UBR4: variants seen among roughly 807,000 people sequenced by gnomAD.
UBR4 encodes ubiquitin protein ligase E3 component n-recognin 4, also known as E3 ubiquitin-protein ligase UBR4.
In UBR4, 124 loss-of-function variants were observed where a neutral mutation model predicts 575.6. The observed-to-expected ratio is 0.22, with a 90% CI of 0.19 to 0.25. UBR4 has a LOEUF of 0.25. Among genes scored for constraint, UBR4 ranks in the 10% least tolerant of loss-of-function variants. The pLI is 1.00. For synonymous variants in UBR4, 2,455 were observed against 2,473.7 expected, an observed-to-expected ratio of 0.99 and a Z score of 0.22; for missense variants, 4,818 against 6,478.8, an observed-to-expected ratio of 0.74 and a Z score of 8.80.
At chr1:19,173,399 CT>C (rs765746548) in intron 23 of UBR4, 39 bp downstream of exon 23, 29 of 1,612,660 alleles carry the variant, frequency 1.8e-5, no homozygotes, top group Non-Finnish European at 2.4e-5. Context: ...GCACAAAGCA[CT>C]TTGGCTTTGA....
At position 19,164,310 on chromosome 1, in the gene UBR4, C is replaced by T; in HGVS notation, c.4643G>A (p.Gly1548Asp). Residue 1548 changes from glycine (G) to aspartate (D), a missense_variant, in exon 33 of 106, where the codon GGT becomes GAT. Gly to Asp is a moderately conservative substitution (Grantham distance 94). Transcript: ENST00000375254. ...AAGCTGAAGGTGACCAGCACCTTGACCTGCACTGGCCAGAGTGGCCATCAC... is the reference window on the plus strand; with the variant it reads ...AAGCTGAAGGTGACCAGCACCTTGATCTGCACTGGCCAGAGTGGCCATCAC... ...MVVMATLASA[G>D]QGAGHLQLHN... 1 of 1,614,250 alleles carries T rather than the reference C, an allele frequency of 6.2e-7. No individual in the cohort carries two copies. The highest frequency in any genetic ancestry group is 8.5e-7 in the Non-Finnish European group (1 of 1,180,052).
chr1:19,095,942 A>T, intron 92 of UBR4: 1 of 342,286 alleles, frequency 2.9e-6, no homozygotes, highest in Non-Finnish European at 5.5e-6. Flanking sequence ...TCTTGGGGGA[A>T]ATCCCAGCAT....
Position 19,115,648 on chromosome 1 carries a change from C to T in UBR4, c.10824-11G>A, listed in dbSNP as rs1219843900. ...TGCCAGCGAGCTGGCCTAGGAAAGACAGACAGCCTTGAGATTTTCTCATCT... is the reference window on the plus strand; with the variant it reads ...TGCCAGCGAGCTGGCCTAGGAAAGATAGACAGCCTTGAGATTTTCTCATCT... On this transcript the variant is annotated splice_polypyrimidine_tract_variant and intron_variant, in intron 73 of 105. Coordinates refer to ENST00000375254, the MANE Select transcript of UBR4 (RefSeq NM_020765.3). 1 of 1,613,590 alleles carries T rather than the reference C, an allele frequency of 6.2e-7. No homozygotes were observed. The highest frequency in any genetic ancestry group is 1.3e-5 in the African/African-American group (1 of 74,992).
chr1:19,144,836 C>T lies in UBR4; in HGVS notation c.8017G>A (p.Asp2673Asn), dbSNP rs766329613. 3 of 1,613,742 alleles carry T rather than the reference C, an allele frequency of 1.9e-6. No homozygotes were observed. Among genetic ancestry groups the T allele is most frequent in the Non-Finnish European group, 2.5e-6 (3 of 1,179,954 alleles). The change falls in exon 54 of 106, where the codon GAT (aspartate) becomes AAT (asparagine). Residue 2673 changes from aspartate to asparagine, a missense_variant. Physicochemically the swap from Asp to Asn is conservative, Grantham distance 23. Transcript: ENST00000375254. Reference sequence around the variant, plus strand: ...ATCTTGGATGCTGTGTTAATACAATCCAGCTCACAGGTACAGTAGCCATGG... The same window carrying T: ...ATCTTGGATGCTGTGTTAATACAATTCAGCTCACAGGTACAGTAGCCATGG... Reference protein sequence around the residue: ...IIHGYCTCELDCINTASKIYM... With the variant: ...IIHGYCTCELNCINTASKIYM...
chr1:19,184,206 T>C (rs1282182907), intron 15 of UBR4, 31 bp from the exon 16 acceptor site: 1 of 1,608,990 alleles, frequency 6.2e-7, no homozygotes, highest in African/African-American at 1.3e-5. Flanking sequence ...AAAGCTCTTA[T>C]CAGGGTCATA....
Position 19,093,004 on chromosome 1 carries a change from C to T in UBR4, c.14112-86G>A. 8.0e-7 allele frequency: 1 copy of T among 1,242,556 alleles called. No homozygotes were observed. Among genetic ancestry groups the T allele is most frequent in the Non-Finnish European group, 1.1e-6 (1 of 870,896 alleles). The allele number at this position is 1,242,556 out of a possible 1,614,324, so 77.0% of individuals were successfully genotyped here. On this transcript the variant is annotated intron_variant, in intron 96 of 105. Coordinates refer to ENST00000375254, the MANE Select transcript of UBR4 (RefSeq NM_020765.3). The surrounding 1 kb of genome is among the most constrained non-coding windows in gnomAD (Gnocchi z 4.8). ...TTGTTGACTCTGGCTTGTTTAAACC[C>T]CCAGGGCATGATTAACCGTGACCCT...
At position 19,128,992 on chromosome 1, in the gene UBR4, T is replaced by C. The variant is rs751791268; in HGVS notation, c.8989A>G (p.Ile2997Val). Residue 2997 changes from isoleucine (I) to valine (V), a missense_variant, in exon 61 of 106, where the codon ATC becomes GTC. Ile to Val is a conservative substitution (Grantham distance 29, BLOSUM62 3). Coordinates refer to ENST00000375254, the MANE Select transcript of UBR4 (RefSeq NM_020765.3). Reference sequence around the variant, plus strand: ...CTAAGAGATACCTGCATGTATGGGATGGCCCGGACACCGCCAACGTTTCGT... The same window carrying C: ...CTAAGAGATACCTGCATGTATGGGACGGCCCGGACACCGCCAACGTTTCGT... ...QLRNVGGVRA[I>V]PYMQVILMLT... The C allele has an allele frequency of 1.9e-6, 3 of 1,613,938 alleles. No homozygotes were observed. Among genetic ancestry groups the C allele is most frequent in the Admixed American group, 1.7e-5 (1 of 59,978 alleles).
intron 104 of UBR4, among the ~76,000 whole-genome samples, chr1:19,077,533 A>C (rs2076069547): frequency 6.6e-6 from 1 of 152,236 alleles, no homozygotes; most frequent in African/African-American, 2.4e-5. Flanking sequence ...CAGGAGTTTC[A>C]GACCAGCCTG....
intron 9 of UBR4, among the ~76,000 whole-genome samples, 200 bp from the exon 10 acceptor site, chr1:19,192,740 T>A (rs1477921586): frequency 1.3e-5 from 2 of 151,946 alleles, no homozygotes; most frequent in African/African-American, 4.8e-5. Flanking sequence ...TCAGAAGCCA[T>A]CCCTCCTCCG....
chr1:19,183,729 C>T, intron 17 of UBR4, 82 bp downstream of exon 17: 1 of 1,395,596 alleles, frequency 7.2e-7, no homozygotes, highest in Non-Finnish European at 1.0e-6. Flanking sequence ...CTCAAAAAAA[C>T]AAACAAACAA....
chr1:19,148,537 C>A (rs368231216), intron 50 of UBR4, 26 bp downstream of exon 50: 2 of 1,614,170 alleles, frequency 1.2e-6, no homozygotes, highest in South Asian at 2.2e-5. Flanking sequence ...CAGAAAGCTT[C>A]CATGTGCTTT....
rs2077644813 is a variant in UBR4 at position 19,092,724 on chromosome 1, A to AGTCTCATATATTAGG, written c.14211+80_14211+94dup. ...TTCTGAGGCTCACTTCTACTCTAGA[A>AGTCTCATATATTAGG]GTCTCATATATTAGGGTAAGTCATG... On this transcript the variant is annotated intron_variant, in intron 97 of 105. Coordinates refer to ENST00000375254, the MANE Select transcript of UBR4 (RefSeq NM_020765.3). 3.0e-6 allele frequency: 3 copies of AGTCTCATATATTAGG among 985,312 alleles called. No individual in the cohort carries two copies. The African/African-American group carries it at 4.9e-5, about 16-fold the overall frequency. The allele number at this position is 985,312 out of a possible 1,614,324, so 61.0% of individuals were successfully genotyped here.
intron 102 of UBR4, among the ~76,000 whole-genome samples, chr1:19,083,999 A>G (rs2076770185): frequency 6.6e-6 from 1 of 152,234 alleles, no homozygotes; most frequent in Admixed American, 6.5e-5. Context: ...CACTGTAGAG[A>G]AAACAGGGAT....
At chr1:19,154,855 G>A (rs2086232732) in intron 44 of UBR4, 63 bp downstream of exon 44, 1 of 1,599,154 alleles carries the variant, frequency 6.3e-7, no homozygotes, top group Non-Finnish European at 8.6e-7. Flanking sequence ...CAGATAGTGG[G>A]AGTGGAGATC....
rs1570368796 is a variant in UBR4, at chr1:19,093,622, G to T, written c.13938-136C>A. On this transcript the variant is annotated intron_variant, in intron 95 of 105. Transcript: ENST00000375254. This position sits in a 1 kb window ranked among gnomAD's most constrained non-coding sequence, Gnocchi z 4.8. Reference sequence around the variant, plus strand: ...CCTAACGTGACACAAAGACCTATCTGCCCCGGCTCCTGCCACTCTCCCTGT... The same window carrying T: ...CCTAACGTGACACAAAGACCTATCTTCCCCGGCTCCTGCCACTCTCCCTGT... The T allele has an allele frequency of 4.1e-6, 4 of 966,722 alleles. No individual in the cohort carries two copies. The highest frequency in any genetic ancestry group is 6.0e-6 in the Non-Finnish European group (4 of 664,504). 59.9% of individuals were successfully genotyped at this position (966,722 alleles called of 1,614,324 possible).
intron 12 of UBR4, 54 bp from the exon 13 acceptor site, chr1:19,187,355 C>A: frequency 5.0e-6 from 8 of 1,608,206 alleles, no homozygotes; most frequent in Non-Finnish European, 6.8e-6. Context: ...CCAGAAAAAA[C>A]AACTTGAGTT....
chr1:19,109,359 T>G (rs757878452), intron 81 of UBR4, among the ~76,000 whole-genome samples: 1 of 152,246 alleles, frequency 6.6e-6, no homozygotes, highest in African/African-American at 2.4e-5. Flanking sequence ...TTAATAATAA[T>G]TCACTAAGCA....
intron 15 of UBR4, 118 bp from the exon 16 acceptor site, chr1:19,184,293 G>GA: frequency 9.2e-7 from 1 of 1,090,698 alleles, no homozygotes; most frequent in Non-Finnish European, 1.3e-6. Context: ...TAAACACAAT[G>GA]AATGAAAGAA....
chr1:19,164,688 A>T, intron 32 of UBR4, 111 bp downstream of exon 32: 1 of 1,383,850 alleles, frequency 7.2e-7, no homozygotes, highest in Non-Finnish European at 1.0e-6. Flanking sequence ...AGAGAGGTAG[A>T]TACAAAAATG....
Sources: gnomAD v4.1 joint callset for allele counts (sites outside exome capture counted in the v4.1 genomes callset) on GRCh38, gnomAD v4.1.1 for gene constraint, Gnocchi (gnomAD v3.1) non-coding constraint, MANE v1.5 for transcripts, NCBI Gene and HGNC (gene_info 2026-07-23, HGNC 2026-07-21) for gene names.